The following ACTN1 variants were observed in gnomAD, a reference collection of about 807,000 sequenced individuals.
ACTN1 encodes alpha-actinin-1.
ACTN1 carries 30 observed loss-of-function variants against 119.6 expected under a neutral mutation model. The observed-to-expected ratio is 0.25, with a 90% CI of 0.19 to 0.34. ACTN1 has a LOEUF of 0.34. Ranked by LOEUF, ACTN1 falls within the 10% of genes least tolerant of loss-of-function variation. The probability of loss-of-function intolerance (pLI) is 1.00; values close to 1 mark genes in which losing one functional copy is unlikely to be tolerated. For missense variants in ACTN1, 764 were observed against 1,223.4 expected (o/e 0.62, Z 5.60); for synonymous variants, 429 against 472.6 (o/e 0.91, Z 1.20).
At chr14:68,951,438 T>G (rs1195570160) in intron 1 of ACTN1, among the ~76,000 whole-genome samples, 2 of 152,152 alleles carry the variant, frequency 1.3e-5, no homozygotes, top group Admixed American at 1.3e-4. Flanking sequence ...GGAGGCACAA[T>G]GGACAAGACA....
chr14:68,879,952 G>T lies in ACTN1; in HGVS notation c.2280+10C>A, dbSNP rs1168567226. On this transcript the variant is annotated intron_variant, in intron 18 of 21. Coordinates refer to ENST00000394419, the MANE Select transcript of ACTN1 (RefSeq NM_001130004.2). This position sits in a 1 kb window ranked among gnomAD's most constrained non-coding sequence, Gnocchi z 4.9. ...GGCTGCACTAAGAAAGCACAGGATG[G>T]GGCTCTCACCCGGTCAAAGTGGTTG... 1.9e-6 allele frequency: 3 copies of T among 1,613,758 alleles called. No homozygotes were observed. The highest frequency in any genetic ancestry group is 2.5e-6 in the Non-Finnish European group (3 of 1,179,710).
chr14:68,906,417 G>A (rs1165769199), intron 6 of ACTN1, among the ~76,000 whole-genome samples: 1 of 152,176 alleles, frequency 6.6e-6, no homozygotes, highest in Non-Finnish European at 1.5e-5. Context: ...GAGAAGTATA[G>A]GGTAACACAA....
chr14:68,968,641 T>C (rs2036780835), intron 1 of ACTN1, among the ~76,000 whole-genome samples: 1 of 152,226 alleles, frequency 6.6e-6, no homozygotes. Context: ...TACTCTTTCC[T>C]GAAAATAAAA....
At chr14:68,949,651 C>G (rs2036063762) in intron 1 of ACTN1, among the ~76,000 whole-genome samples, 1 of 152,220 alleles carries the variant, frequency 6.6e-6, no homozygotes. Flanking sequence ...GGTATTTGTA[C>G]ACCCACATTC....
chr14:68,950,856 C>T (rs983415417), intron 1 of ACTN1, among the ~76,000 whole-genome samples: 14 of 152,158 alleles, frequency 9.2e-5, no homozygotes, highest in African/African-American at 2.9e-4. Context: ...CCACCACGTC[C>T]GGCCCTAAGC....
At chr14:68,958,056 G>C (rs2036410168) in intron 1 of ACTN1, among the ~76,000 whole-genome samples, 1 of 152,190 alleles carries the variant, frequency 6.6e-6, no homozygotes, top group Non-Finnish European at 1.5e-5. Context: ...CATCAGCCCG[G>C]GGTCCCGACC....
chr14:68,933,608 C>T (rs865783670), intron 1 of ACTN1, among the ~76,000 whole-genome samples: 4 of 152,106 alleles, frequency 2.6e-5, no homozygotes, highest in African/African-American at 4.8e-5. Flanking sequence ...GGAGGTGGCC[C>T]GGGGCAGAAG....
At chr14:68,884,654 T>C in intron 13 of ACTN1, 121 bp downstream of exon 13, 1 of 864,648 alleles carries the variant, frequency 1.2e-6, no homozygotes, top group African/African-American at 1.7e-5. Flanking sequence ...TAGGCCAGGG[T>C]TGGGGGAGGT....
chr14:68,975,719 G>C (rs1276070543), intron 1 of ACTN1, among the ~76,000 whole-genome samples: 1 of 152,228 alleles, frequency 6.6e-6, no homozygotes, highest in Non-Finnish European at 1.5e-5. Context: ...AAAAGTAGAG[G>C]AAATGCCTCT....
intron 11 of ACTN1, chr14:68,887,026 G>T (rs754674647): frequency 1.2e-5 from 2 of 161,610 alleles, no homozygotes; most frequent in Non-Finnish European, 2.7e-5. Context: ...CAGTACAGAC[G>T]TTTCAATTTG....
rs1431813151 is a variant in ACTN1 at position 68,885,283 on chromosome 14, T to C, written c.1385+142A>G. The C allele has an allele frequency of 3.6e-6, 4 of 1,112,528 alleles. No homozygotes were observed. Among genetic ancestry groups the C allele is most frequent in the Middle Eastern group, 3.1e-4 (1 of 3,266 alleles). The allele number at this position is 1,112,528 out of a possible 1,614,324, so 68.9% of individuals were successfully genotyped here. A position where few individuals can be genotyped will look rare whatever the true frequency, so the allele number is the denominator to read the frequency against. ...CCCACCAGGAGAGATATTTGTCTCC[T>C]GCGTTGACTCCCTCCCCACCTGGGC... On this transcript the variant is annotated intron_variant, in intron 12 of 21. Transcript: ENST00000394419. The surrounding 1 kb of genome is among the most constrained non-coding windows in gnomAD (Gnocchi z 5.6).
chr14:68,947,567 C>T (rs2035983214), intron 1 of ACTN1: 1 of 152,296 alleles, frequency 6.6e-6, no homozygotes, highest in African/African-American at 2.4e-5. Flanking sequence ...CCCTAACACT[C>T]TGCAGTCTCT....
chr14:68,949,979 T>TCAGTTTTA (rs2036076031), intron 1 of ACTN1, among the ~76,000 whole-genome samples: 1 of 152,164 alleles, frequency 6.6e-6, no homozygotes, highest in East Asian at 1.9e-4. Flanking sequence ...GTACAGAGTT[T>TCAGTTTTA]CAGTTTTACA....
chr14:68,958,543 T>G (rs957247249), intron 1 of ACTN1, among the ~76,000 whole-genome samples: 27 of 151,062 alleles, frequency 1.8e-4, no homozygotes, highest in Admixed American at 1.5e-3. Flanking sequence ...AGGTGGCACA[T>G]TAAGCTGGTC....
chr14:68,884,226 T>A lies in ACTN1; in HGVS notation c.1577A>T (p.Glu526Val), dbSNP rs2031810718. 1 of 1,613,892 alleles carries A rather than the reference T, an allele frequency of 6.2e-7. No individual in the cohort carries two copies. The highest frequency in any genetic ancestry group is 1.3e-5 in the African/African-American group (1 of 74,868). ...KRAAPFNNWM[E>V]GAMEDLQDTF... ...GTCCTGCAGGTCCTCCATGGCCCCC[T>A]CCATCCAGTTGTTGAAGGGTGCAGC... Residue 526 changes from glutamate (E) to valine (V), a missense_variant, in exon 14 of 22, where the codon GAG becomes GTG. Physicochemically the swap from Glu to Val is moderately radical, Grantham distance 121 (BLOSUM62 -2). Coordinates refer to ENST00000394419, the MANE Select transcript of ACTN1 (RefSeq NM_001130004.2).
chr14:68,884,749 C>T (rs370877688), intron 13 of ACTN1, 26 bp downstream of exon 13: 7 of 1,574,958 alleles, frequency 4.4e-6, no homozygotes, highest in Non-Finnish European at 6.1e-6. Context: ...GGATATGGGC[C>T]TAGATCTCCC....
At chr14:68,933,026 A>G (rs1208583565) in intron 1 of ACTN1, among the ~76,000 whole-genome samples, 3 of 152,190 alleles carry the variant, frequency 2.0e-5, no homozygotes, top group Non-Finnish European at 4.4e-5. Flanking sequence ...AATCATCACA[A>G]TGACACTGTG....
At chr14:68,971,598 A>G (rs1305026655) in intron 1 of ACTN1, among the ~76,000 whole-genome samples, 3 of 152,230 alleles carry the variant, frequency 2.0e-5, no homozygotes, top group East Asian at 3.8e-4. Context: ...ATCTTCATCT[A>G]TGAAGTGTCA....
intron 1 of ACTN1, among the ~76,000 whole-genome samples, chr14:68,926,370 A>G (rs768607431): frequency 5.9e-5 from 9 of 152,236 alleles, no homozygotes; most frequent in Non-Finnish European, 1.3e-4. Context: ...TGATCAGGTG[A>G]GGCAGCAACT....
Sources: gnomAD v4.1 joint callset for allele counts (sites outside exome capture counted in the v4.1 genomes callset) on GRCh38, gnomAD v4.1.1 for gene constraint, Gnocchi (gnomAD v3.1) non-coding constraint, MANE v1.5 for transcripts, NCBI Gene and HGNC (gene_info 2026-07-23, HGNC 2026-07-21) for gene names.